Variants in CNRIP1 observed in about 807,000 individuals in gnomAD.
The protein encoded by CNRIP1 is cannabinoid receptor interacting protein 1, also known as CB1 cannabinoid receptor-interacting protein 1.
A neutral mutation model predicts 15.2 loss-of-function variants in CNRIP1; 10 were observed. The observed-to-expected ratio is 0.66, with a 90% CI of 0.41 to 1.12. The LOEUF (loss-of-function observed/expected upper bound fraction) is 1.12. Ranked by LOEUF, CNRIP1 falls within the 50% of genes most tolerant of loss-of-function variation. The pLI is 0.00. For synonymous variants in CNRIP1, 91 were observed against 83.2 expected (o/e 1.09, Z -0.51); for missense variants, 211 against 214.7 (o/e 0.98, Z 0.11).
chr2:68,301,365 T>G (rs1283690856), intron 2 of CNRIP1, among the ~76,000 whole-genome samples: 1 of 152,136 alleles, frequency 6.6e-6, no homozygotes, highest in African/African-American at 2.4e-5. Context: ...AAAGGAAAGT[T>G]TTTCAACTTC....
intron 2 of CNRIP1, among the ~76,000 whole-genome samples, chr2:68,297,966 T>G (rs928050615): frequency 2.0e-5 from 3 of 152,170 alleles, no homozygotes; most frequent in Non-Finnish European, 4.4e-5. Context: ...CTTACTCAGA[T>G]TTTTTCTACA....
chr2:68,308,224 AC>A (rs1190165832), intron 2 of CNRIP1, among the ~76,000 whole-genome samples: 24 of 151,572 alleles, frequency 1.6e-4, no homozygotes, highest in Middle Eastern at 3.4e-3. Flanking sequence ...ACAAAACAAA[AC>A]AAAAAAAACC....
At chr2:68,303,377 C>A (rs1671691372) in intron 2 of CNRIP1, among the ~76,000 whole-genome samples, 1 of 152,164 alleles carries the variant, frequency 6.6e-6, no homozygotes, top group African/African-American at 2.4e-5. Context: ...ATAAATGAGA[C>A]TGTTTCCTCT....
At chr2:68,318,604 G>A (rs565408656) in intron 1 of CNRIP1, among the ~76,000 whole-genome samples, 1 of 152,196 alleles carries the variant, frequency 6.6e-6, no homozygotes, top group Admixed American at 6.5e-5. Context: ...AAAAAGAACA[G>A]CATACGGCAT....
intron 1 of CNRIP1, 69 bp from the exon 2 acceptor site, chr2:68,317,376 A>C: frequency 4.5e-6 from 7 of 1,546,546 alleles, no homozygotes; most frequent in Non-Finnish European, 5.3e-6. Context: ...TTTTGGACCA[A>C]AACTCTAGGC....
chr2:68,300,271 C>A (rs1018642254), intron 2 of CNRIP1, among the ~76,000 whole-genome samples: 6 of 152,142 alleles, frequency 3.9e-5, no homozygotes, highest in Admixed American at 1.3e-4. Context: ...CTTGGCATTG[C>A]CAGTCCTTTC....
chr2:68,305,443 T>TC (rs1408133338), intron 2 of CNRIP1, among the ~76,000 whole-genome samples: 3 of 151,746 alleles, frequency 2.0e-5, no homozygotes, highest in Non-Finnish European at 4.4e-5. Flanking sequence ...TATTCAGATT[T>TC]CGTCAAGGGA....
At chr2:68,284,206 C>G in exon 3 of CNRIP1, 6 of 363,090 alleles carry the variant, frequency 1.7e-5, no homozygotes, top group Non-Finnish European at 3.0e-5. Context: ...TAAGAATCAC[C>G]TAAAGTGCTT....
At chr2:68,298,522 T>A (rs1671472343) in intron 2 of CNRIP1, among the ~76,000 whole-genome samples, 1 of 152,170 alleles carries the variant, frequency 6.6e-6, no homozygotes, top group African/African-American at 2.4e-5. Context: ...AAAAAAATTT[T>A]CAAAAGTCTC....
At chr2:68,297,032 G>A (rs985622077) in intron 2 of CNRIP1, among the ~76,000 whole-genome samples, 5 of 152,030 alleles carry the variant, frequency 3.3e-5, no homozygotes, top group South Asian at 2.1e-4. Flanking sequence ...CTCTCAAAGC[G>A]CTGGGATTAC....
chr2:68,314,598 T>C (rs1672205111), intron 2 of CNRIP1, among the ~76,000 whole-genome samples: 1 of 152,074 alleles, frequency 6.6e-6, no homozygotes, highest in Admixed American at 6.5e-5. Context: ...CAAGATGATT[T>C]GCTGAAAAAT....
At chr2:68,287,950 A>C (rs1195117195) in intron 2 of CNRIP1, among the ~76,000 whole-genome samples, 1 of 152,150 alleles carries the variant, frequency 6.6e-6, no homozygotes, top group Non-Finnish European at 1.5e-5. Context: ...GAATTCAGAA[A>C]CTTTTTTCTT....
rs895710911 is a variant in CNRIP1 at position 68,317,440 on chromosome 2, T to C, written c.180-133A>G. The C allele has an allele frequency of 1.0e-5, 9 of 902,512 alleles. No individual in the cohort carries two copies. The African/African-American group carries it at 1.3e-4, about 13-fold the overall frequency. The allele number at this position is 902,512 out of a possible 1,614,324, so 55.9% of individuals were successfully genotyped here. A position where few individuals can be genotyped will look rare whatever the true frequency, so the allele number is the denominator to read the frequency against. On this transcript the variant is annotated intron_variant, in intron 1 of 2. Coordinates refer to ENST00000263655, the MANE Select transcript of CNRIP1 (RefSeq NM_015463.3). ...GGCATTGTGGTGCGGGAGAAAGTTC[T>C]GCAAGTTCAGGGGGCAGTGCTTCTC...
At chr2:68,285,669 A>AG (rs1572999762) in intron 2 of CNRIP1, among the ~76,000 whole-genome samples, 1 of 23,482 alleles carries the variant, frequency 4.3e-5, no homozygotes, top group East Asian at 9.2e-4. Context: ...AAAAAAAAAA[A>AG]AAAGAAAAGA....
rs946383495 is a variant in CNRIP1, at chr2:68,293,115, G to A, written c.*747C>T. The A allele has an allele frequency of 3.6e-5, 35 of 985,310 alleles. No individual in the cohort carries two copies. Among genetic ancestry groups the A allele is most frequent in the Middle Eastern group, 5.2e-4 (1 of 1,936 alleles). The allele number at this position is 985,310 out of a possible 1,614,324, so 61.0% of individuals were successfully genotyped here. On this transcript the variant is annotated 3_prime_UTR_variant, in exon 3 of 3. Coordinates refer to ENST00000263655, the MANE Select transcript of CNRIP1 (RefSeq NM_015463.3). ...GACTGTAGGGATGCCATCAATGTGCGTGTCTGAAGACTATGGAAGCTTGTC... is the reference window on the plus strand; with the variant it reads ...GACTGTAGGGATGCCATCAATGTGCATGTCTGAAGACTATGGAAGCTTGTC...
intron 2 of CNRIP1, among the ~76,000 whole-genome samples, chr2:68,297,567 CAAAAAAAAAAAAAAAA>C (rs112601365): frequency 2.0e-5 from 2 of 98,912 alleles, no homozygotes; most frequent in African/African-American, 4.0e-5. Context: ...GACACTGTCT[CAAAAAAAAAAAAAAAA>C]AAAAAAAAAA....
intron 2 of CNRIP1, among the ~76,000 whole-genome samples, chr2:68,305,169 G>C (rs1009483217): frequency 1.3e-5 from 2 of 150,834 alleles, no homozygotes; most frequent in Non-Finnish European, 3.0e-5. Context: ...GCTTGAACCC[G>C]GGAGGCAGAG....
rs61586261 is a variant in CNRIP1 at position 68,306,124 on chromosome 2, C to CAAAAAAAAAA, written c.330+11023_330+11032dup. On this transcript the variant is annotated intron_variant, in intron 2 of 2. Transcript: ENST00000263655. ...CTGGGCAGCAGAGACCCCACCTCTA[C>CAAAAAAAAAA]AAAAAAAAAAAAAAAAAAAAAAAAA... 3.2e-3 allele frequency among the ~76,000 whole-genome samples: 81 copies of CAAAAAAAAAA among 25,340 alleles called. 13 individuals carry two copies. Among genetic ancestry groups the CAAAAAAAAAA allele is most frequent in the African/African-American group, 5.9e-3 (40 of 6,836 alleles). The allele number at this position is 25,340 out of a possible 152,430, so 16.6% of individuals were successfully genotyped here. A position where few individuals can be genotyped will look rare whatever the true frequency, so the allele number is the denominator to read the frequency against.
At chr2:68,292,985 C>T, downstream of CNRIP1, 1 of 983,444 alleles carries the variant, frequency 1.0e-6, no homozygotes, top group Non-Finnish European at 1.2e-6. Flanking sequence ...AATTATTGCC[C>T]AAATTAAGAA....
Sources: allele counts gnomAD v4.1 joint callset (sites outside exome capture counted in the v4.1 genomes callset), GRCh38; gene constraint gnomAD v4.1.1; transcripts MANE v1.5; gene names NCBI Gene and HGNC (gene_info 2026-07-23, HGNC 2026-07-21).